The following ARL15 variants were observed in gnomAD, a reference collection of about 807,000 sequenced individuals.
ARL15 encodes ADP-ribosylation factor-like protein 15.
In ARL15, 19 loss-of-function variants were observed where a neutral mutation model predicts 25.2. The ratio of observed to expected loss-of-function variants is 0.75; its 90% CI spans 0.53 to 1.10. The LOEUF (loss-of-function observed/expected upper bound fraction) is 1.10, where lower values mean the gene tolerates loss of function less well. Ranked by LOEUF, ARL15 falls within the 50% of genes least tolerant of loss-of-function variation. The pLI is 0.00. For synonymous variants in ARL15, 94 were observed against 86.8 expected, an observed-to-expected ratio of 1.08 and a Z score of -0.46; for missense variants, 220 against 246.0, an observed-to-expected ratio of 0.89 and a Z score of 0.71.
chr5:54,230,035 T>C (rs1233384513), intron 1 of ARL15, among the ~76,000 whole-genome samples: 3 of 152,116 alleles, frequency 2.0e-5, no homozygotes, highest in Admixed American at 1.3e-4. Flanking sequence ...ACTCCATTGT[T>C]TAAAATTAAC....
chr5:54,008,251 C>T (rs1749111620), intron 4 of ARL15, among the ~76,000 whole-genome samples: 1 of 152,028 alleles, frequency 6.6e-6, no homozygotes, highest in African/African-American at 2.4e-5. Context: ...GAAAAGGTAT[C>T]TAGGGAAAAG....
chr5:53,980,766 A>C (rs539199228), intron 4 of ARL15, among the ~76,000 whole-genome samples: 2 of 152,302 alleles, frequency 1.3e-5, no homozygotes, highest in South Asian at 2.1e-4. Context: ...CAAATGTTTA[A>C]GGAAAAGAAA....
intron 4 of ARL15, among the ~76,000 whole-genome samples, chr5:53,912,969 T>C (rs538759269): frequency 6.6e-6 from 1 of 152,298 alleles, no homozygotes; most frequent in South Asian, 2.1e-4. Flanking sequence ...ACTAGGAAGA[T>C]GAAGCAGGAA....
chr5:53,910,071 T>G (rs1253104303), intron 4 of ARL15, among the ~76,000 whole-genome samples: 1 of 152,226 alleles, frequency 6.6e-6, no homozygotes, highest in African/African-American at 2.4e-5. Context: ...GGGCAACCTT[T>G]CAGGCAGGCC....
At chr5:53,910,674 A>ATATATATAT (rs1374904754) in intron 4 of ARL15, among the ~76,000 whole-genome samples, 1 of 87,750 alleles carries the variant, frequency 1.1e-5, no homozygotes, top group Non-Finnish European at 2.1e-5. Flanking sequence ...TATATATATA[A>ATATATATAT]AGAAAACGTC....
intron 4 of ARL15, chr5:54,048,121 GT>G (rs1261978496): frequency 1.3e-5 from 2 of 152,040 alleles, no homozygotes; most frequent in Non-Finnish European, 2.9e-5. Flanking sequence ...ACCTGGGCCA[GT>G]TCCCCTCTCC....
intron 4 of ARL15, among the ~76,000 whole-genome samples, chr5:54,033,626 C>G (rs1445886425): frequency 4.7e-5 from 7 of 148,680 alleles, no homozygotes; most frequent in South Asian, 2.1e-4. Flanking sequence ...GATCCGAGAT[C>G]GAGCCACTGT....
At chr5:54,193,822 T>C (rs1171484502) in intron 1 of ARL15, among the ~76,000 whole-genome samples, 1 of 151,704 alleles carries the variant, frequency 6.6e-6, no homozygotes, top group Non-Finnish European at 1.5e-5. Flanking sequence ...TTTCCTGAAA[T>C]AGCTCACATG....
intron 4 of ARL15, among the ~76,000 whole-genome samples, chr5:54,050,974 A>G (rs1443316930): frequency 6.6e-6 from 1 of 152,220 alleles, no homozygotes; most frequent in East Asian, 1.9e-4. Flanking sequence ...TGTAAGTCAT[A>G]TAACTAGTTT....
chr5:54,259,647 C>T (rs1280911234), intron 1 of ARL15, among the ~76,000 whole-genome samples: 1 of 152,168 alleles, frequency 6.6e-6, no homozygotes, highest in Admixed American at 6.5e-5. Context: ...TAGACCCCTA[C>T]ACTGCAGGGG....
chr5:54,285,606 T>C (rs890256018), intron 1 of ARL15, among the ~76,000 whole-genome samples: 2 of 152,176 alleles, frequency 1.3e-5, no homozygotes, highest in Non-Finnish European at 2.9e-5. Flanking sequence ...ATGACAGTTA[T>C]ATTATCTTCT....
At chr5:54,145,416 C>A (rs1013608384) in intron 3 of ARL15, among the ~76,000 whole-genome samples, 14 of 152,296 alleles carry the variant, frequency 9.2e-5, no homozygotes, top group African/African-American at 2.9e-4. Flanking sequence ...TTTTAATCAG[C>A]TTTGAACGTG....
intron 1 of ARL15, among the ~76,000 whole-genome samples, chr5:54,283,217 C>T (rs970500310): frequency 6.6e-6 from 1 of 152,136 alleles, no homozygotes; most frequent in Non-Finnish European, 1.5e-5. Context: ...TGAGGAAGAC[C>T]AAGAAGTCGC....
At chr5:54,268,891 A>G (rs1417476849) in intron 1 of ARL15, among the ~76,000 whole-genome samples, 1 of 152,260 alleles carries the variant, frequency 6.6e-6, no homozygotes, top group Non-Finnish European at 1.5e-5. Flanking sequence ...CTACGCAGCC[A>G]TAAAAAATGA....
chr5:54,274,951 T>C (rs184750473), intron 1 of ARL15, among the ~76,000 whole-genome samples: 2 of 152,274 alleles, frequency 1.3e-5, no homozygotes, highest in Admixed American at 1.3e-4. Flanking sequence ...ACCCCTCACT[T>C]CTACCCACAG....
chr5:54,098,409 T>C (rs1752347750), intron 4 of ARL15, among the ~76,000 whole-genome samples: 1 of 152,138 alleles, frequency 6.6e-6, no homozygotes, highest in African/African-American at 2.4e-5. Flanking sequence ...CCACTTTCTG[T>C]CTAGCCATCC....
At chr5:54,145,130 C>T (rs1314921220) in intron 3 of ARL15, among the ~76,000 whole-genome samples, 1 of 151,848 alleles carries the variant, frequency 6.6e-6, no homozygotes, top group Non-Finnish European at 1.5e-5. Context: ...AATATAAAGA[C>T]ATATATAACA....
At chr5:53,961,690 A>G (rs946953306) in intron 4 of ARL15, among the ~76,000 whole-genome samples, 5 of 152,174 alleles carry the variant, frequency 3.3e-5, no homozygotes, top group Non-Finnish European at 5.9e-5. Context: ...AAATTCCAAC[A>G]GTAGAGAAAG....
chr5:53,957,659 CA>C (rs1226342336), intron 4 of ARL15, among the ~76,000 whole-genome samples: 2 of 151,588 alleles, frequency 1.3e-5, no homozygotes, highest in Non-Finnish European at 2.9e-5. Flanking sequence ...CTTGTCTCTA[CA>C]AAAAAATACA....
Sources: gnomAD v4.1 joint callset for allele counts (sites outside exome capture counted in the v4.1 genomes callset) on GRCh38, gnomAD v4.1.1 for gene constraint, MANE v1.5 for transcripts, NCBI Gene and HGNC (gene_info 2026-07-23, HGNC 2026-07-21) for gene names.